The following CSMD1 variants were observed in gnomAD, a reference collection of about 807,000 sequenced individuals.
CSMD1 encodes the protein CUB and sushi domain-containing protein 1.
CSMD1 carries 213 observed loss-of-function variants against 417.5 expected under a neutral mutation model. The observed-to-expected ratio is 0.51, with a 90% CI of 0.46 to 0.57. The LOEUF is 0.57. Ranked by LOEUF, CSMD1 falls within the 20% of genes least tolerant of loss-of-function variation. The pLI is 0.00. For missense variants in CSMD1, 6,923 were observed against 4,529.7 expected (o/e 1.53, Z -15.17); for synonymous variants, 2,862 against 1,736.8 (o/e 1.65, Z -16.11).
intron 5 of CSMD1, among the ~76,000 whole-genome samples, chr8:3,804,843 G>C (rs1365326704): frequency 3.3e-5 from 5 of 152,152 alleles, no homozygotes; most frequent in African/African-American, 9.6e-5. Flanking sequence ...ATAAAGAAAG[G>C]GTAGGTTTTC....
intron 2 of CSMD1, among the ~76,000 whole-genome samples, chr8:4,475,610 T>G (rs1800759934): frequency 6.6e-6 from 1 of 152,012 alleles, no homozygotes; most frequent in South Asian, 2.1e-4. Flanking sequence ...TTTTTTTCTT[T>G]TTCTTTTTCT....
chr8:4,782,477 T>A (rs1797204167), intron 1 of CSMD1, among the ~76,000 whole-genome samples: 1 of 152,166 alleles, frequency 6.6e-6, no homozygotes, highest in South Asian at 2.1e-4. Context: ...TTTAAAGAAA[T>A]CTTATTTAAG....
At chr8:4,278,267 A>G (rs746909977) in intron 3 of CSMD1, among the ~76,000 whole-genome samples, 2 of 152,150 alleles carry the variant, frequency 1.3e-5, no homozygotes, top group South Asian at 2.1e-4. Flanking sequence ...TTAATTTTCA[A>G]TGGATGGAGT....
chr8:4,215,570 AT>A (rs1800618704), intron 3 of CSMD1, among the ~76,000 whole-genome samples: 3 of 151,870 alleles, frequency 2.0e-5, no homozygotes, highest in South Asian at 4.2e-4. Context: ...TAGATCAGGC[AT>A]TTTTTCCCTA....
intron 5 of CSMD1, among the ~76,000 whole-genome samples, chr8:3,813,973 T>C (rs1434705761): frequency 1.3e-5 from 2 of 152,238 alleles, no homozygotes; most frequent in South Asian, 2.1e-4. Flanking sequence ...AAATATGTGA[T>C]TCTTACCTAA....
intron 5 of CSMD1, among the ~76,000 whole-genome samples, chr8:3,901,341 T>A (rs557322952): frequency 6.6e-6 from 1 of 152,320 alleles, no homozygotes; most frequent in African/African-American, 2.4e-5. Flanking sequence ...AATCTCCAAT[T>A]TAATTTTTTT....
chr8:3,337,056 T>G (rs1807311346), intron 23 of CSMD1, among the ~76,000 whole-genome samples: 2 of 152,030 alleles, frequency 1.3e-5, no homozygotes, highest in Admixed American at 1.3e-4. Flanking sequence ...GGAGCTGGGG[T>G]TGGCCAGGCC....
intron 5 of CSMD1, among the ~76,000 whole-genome samples, chr8:3,765,581 T>G (rs1166169032): frequency 6.6e-6 from 1 of 152,254 alleles, no homozygotes; most frequent in Non-Finnish European, 1.5e-5. Flanking sequence ...CAATTCTAAA[T>G]GGTTTCTTTA....
chr8:3,553,981 T>G (rs117516476), intron 10 of CSMD1, among the ~76,000 whole-genome samples: 39 of 152,168 alleles, frequency 2.6e-4, no homozygotes, highest in African/African-American at 9.2e-4. Context: ...GAATTATGGG[T>G]GAAATTTGCT....
chr8:3,996,931 T>C (rs181116254), intron 5 of CSMD1, among the ~76,000 whole-genome samples: 60 of 152,334 alleles, frequency 3.9e-4, no homozygotes, highest in Middle Eastern at 6.8e-3. Flanking sequence ...ATGTTTGACA[T>C]GTTTGTCTGG....
intron 3 of CSMD1, among the ~76,000 whole-genome samples, chr8:4,193,710 C>T (rs569818956): frequency 2.0e-5 from 3 of 152,184 alleles, no homozygotes; most frequent in Non-Finnish European, 2.9e-5. Flanking sequence ...CATTTCAAGG[C>T]GCAGGAACCA....
chr8:3,876,332 G>A (rs1186815760), intron 5 of CSMD1, among the ~76,000 whole-genome samples: 2 of 152,126 alleles, frequency 1.3e-5, no homozygotes, highest in African/African-American at 2.4e-5. Context: ...TCAAAGCCCA[G>A]GATGACTGTT....
At chr8:4,017,159 C>T (rs1796562920) in intron 4 of CSMD1, among the ~76,000 whole-genome samples, 1 of 152,190 alleles carries the variant, frequency 6.6e-6, no homozygotes, top group African/African-American at 2.4e-5. Flanking sequence ...CTGCAATACA[C>T]TTTTGTGTAT....
At chr8:3,588,628 T>C (rs758755669) in intron 8 of CSMD1, among the ~76,000 whole-genome samples, 1 of 152,128 alleles carries the variant, frequency 6.6e-6, no homozygotes, top group African/African-American at 2.4e-5. Flanking sequence ...CCAACCAATA[T>C]TCCTTTACGT....
chr8:4,046,600 G>A (rs80229201), intron 3 of CSMD1, among the ~76,000 whole-genome samples: 1,872 of 152,276 alleles, frequency 0.012, 36 homozygotes, highest in African/African-American at 0.043. Flanking sequence ...AAGACCTACT[G>A]TTGATTGTTG....
intron 3 of CSMD1, among the ~76,000 whole-genome samples, chr8:4,280,905 G>A (rs2656288): frequency 0.7 from 106,351 of 152,126 alleles, 37,416 homozygotes; most frequent in East Asian, 0.9. Flanking sequence ...AGTTGTCATG[G>A]AAGTTGCAAT....
Position 3,795,942 on chromosome 8 carries a change from G to GATAT in CSMD1, c.819-41904_819-41901dup, listed in dbSNP as rs1260025551. ...TAGATATCTATCATGTACAGATATAGATATCTATCATGTACAGATATAGAT... is the reference window on the plus strand; with the variant it reads ...TAGATATCTATCATGTACAGATATAGATATATATCTATCATGTACAGATATAGAT... On this transcript the variant is annotated intron_variant, in intron 5 of 69. Transcript: ENST00000635120. Among the ~76,000 whole-genome samples, 16 of 27,926 alleles carry GATAT rather than the reference G, an allele frequency of 5.7e-4. 6 individuals carry two copies. The highest frequency in any genetic ancestry group is 1.9e-3 in the African/African-American group (14 of 7,526). 18.3% of individuals were successfully genotyped at this position (27,926 alleles called of 152,430 possible). A position where few individuals can be genotyped will look rare whatever the true frequency, so the allele number is the denominator to read the frequency against.
chr8:4,602,616 G>A (rs923053017), intron 2 of CSMD1, among the ~76,000 whole-genome samples: 2 of 152,152 alleles, frequency 1.3e-5, no homozygotes, highest in South Asian at 2.1e-4. Flanking sequence ...AAAATTCAAA[G>A]AAGTTTGAAG....
At chr8:4,950,449 G>T (rs1377746387) in intron 1 of CSMD1, among the ~76,000 whole-genome samples, 1 of 152,098 alleles carries the variant, frequency 6.6e-6, no homozygotes, top group Non-Finnish European at 1.5e-5. Context: ...CTCAACTTGT[G>T]AAAAAGCAGA....
Sources: allele counts gnomAD v4.1 joint callset (sites outside exome capture counted in the v4.1 genomes callset), GRCh38; gene constraint gnomAD v4.1.1; transcripts MANE v1.5; gene names NCBI Gene and HGNC (gene_info 2026-07-23, HGNC 2026-07-21).